The following WASF3 variants were observed in gnomAD, a reference collection of about 807,000 sequenced individuals.
WASF3 encodes WASP family member 3.
WASF3 carries 11 observed loss-of-function variants against 46.6 expected under a neutral mutation model. The observed-to-expected ratio is 0.24, with a 90% CI of 0.15 to 0.39. The LOEUF (loss-of-function observed/expected upper bound fraction) is 0.39, where lower values mean the gene tolerates loss of function less well. WASF3 is among the 10% of genes least tolerant of loss of function. The pLI is 1.00. For synonymous variants in WASF3, 242 were observed against 259.7 expected, an observed-to-expected ratio of 0.93 and a Z score of 0.65; for missense variants, 576 against 669.8, an observed-to-expected ratio of 0.86 and a Z score of 1.55.
upstream of WASF3, among the ~76,000 whole-genome samples, chr13:26,555,126 T>G (rs1169612342): frequency 6.6e-6 from 1 of 152,226 alleles, no homozygotes; most frequent in Non-Finnish European, 1.5e-5. Flanking sequence ...TATTTCATTT[T>G]TGTTTTAATT....
At chr13:26,546,920 C>T in the WASF3 span, among the ~76,000 whole-genome samples, 1 of 152,178 alleles carries the variant, frequency 6.6e-6, no homozygotes, top group Admixed American at 6.5e-5. Context: ...TTACCCTCTT[C>T]ATCAAGCTCA....
intron 1 of WASF3, among the ~76,000 whole-genome samples, chr13:26,605,665 G>A (rs1269071233): frequency 1.3e-5 from 2 of 152,150 alleles, no homozygotes; most frequent in Admixed American, 1.3e-4. Flanking sequence ...GTGGCTGCCC[G>A]GGGCCAGACC....
At chr13:26,664,793 T>C (rs1345098904) in intron 3 of WASF3, among the ~76,000 whole-genome samples, 2 of 152,250 alleles carry the variant, frequency 1.3e-5, no homozygotes, top group Non-Finnish European at 2.9e-5. Flanking sequence ...GCAATAAAGA[T>C]TCTATACTGT....
chr13:26,561,446 G>A (rs934490721), intron 1 of WASF3, among the ~76,000 whole-genome samples: 3 of 152,068 alleles, frequency 2.0e-5, no homozygotes, highest in Non-Finnish European at 4.4e-5. Flanking sequence ...ATCCATTTTG[G>A]GGAAAAGATT....
rs1880887162 is a variant in WASF3, at chr13:26,608,948, A to G, written c.-108-4013A>G. ...TCGATAGAAGTGAAAAGAAGAACAT[A>G]GAATTTCAGCCTGGTTTAGGAGGTA... On this transcript the variant is annotated intron_variant, in intron 1 of 9. Transcript: ENST00000335327. Among the ~76,000 whole-genome samples the G allele has an allele frequency of 2.0e-5, 3 of 152,250 alleles. 1 individual carries two copies. The highest frequency in any genetic ancestry group is 2.0e-4 in the Admixed American group (3 of 15,280).
chr13:26,671,836 C>A (rs773915033), intron 5 of WASF3, 36 bp from the exon 6 acceptor site: 62 of 1,439,874 alleles, frequency 4.3e-5, no homozygotes, highest in Non-Finnish European at 5.9e-5. Context: ...CTCTAACAAT[C>A]TTTTCTTCCC....
the WASF3 span, among the ~76,000 whole-genome samples, chr13:26,550,738 C>T: frequency 2.6e-5 from 4 of 152,150 alleles, no homozygotes; most frequent in South Asian, 4.2e-4. Flanking sequence ...GATCCAGGCA[C>T]CCTCCCCTTC....
At chr13:26,647,656 C>CA (rs1882189301) in intron 3 of WASF3, among the ~76,000 whole-genome samples, 1 of 151,138 alleles carries the variant, frequency 6.6e-6, no homozygotes, top group Admixed American at 6.6e-5. Flanking sequence ...GGTTTTGCTA[C>CA]TTTTTTTTTC....
At chr13:26,628,182 G>A (rs1881531974) in intron 2 of WASF3, among the ~76,000 whole-genome samples, 1 of 152,154 alleles carries the variant, frequency 6.6e-6, no homozygotes, top group Non-Finnish European at 1.5e-5. Flanking sequence ...CCAATCCTGA[G>A]AAATAGCTTG....
intron 2 of WASF3, chr13:26,640,482 ATC>A (rs1881964036): frequency 6.6e-6 from 1 of 151,448 alleles, no homozygotes; most frequent in Non-Finnish European, 1.5e-5. Context: ...GCTCACTGCA[ATC>A]TCTGCCTCCT....
chr13:26,542,978 A>G, the WASF3 span, among the ~76,000 whole-genome samples: 1 of 152,232 alleles, frequency 6.6e-6, no homozygotes, highest in Non-Finnish European at 1.5e-5. Flanking sequence ...TTCTGAACAC[A>G]GGCTAAAGAA....
chr13:26,675,485 C>T (rs1392641312), intron 6 of WASF3, among the ~76,000 whole-genome samples: 6 of 9,964 alleles, frequency 6.0e-4, no homozygotes, highest in African/African-American at 1.2e-3. Context: ...CACACATACA[C>T]ACACACACAC....
intron 1 of WASF3, chr13:26,609,565 T>A (rs1051443011): frequency 6.6e-6 from 1 of 152,048 alleles, no homozygotes; most frequent in Non-Finnish European, 1.5e-5. Context: ...TCCAGTGGTT[T>A]CATGATGTCA....
At chr13:26,551,562 G>T in the WASF3 span, among the ~76,000 whole-genome samples, 1,432 of 152,300 alleles carry the variant, frequency 9.4e-3, 8 homozygotes, top group African/African-American at 0.018. Flanking sequence ...TCTGGTGGGG[G>T]ACAATGAATT....
At chr13:26,621,396 A>C (rs1881301822) in intron 2 of WASF3, among the ~76,000 whole-genome samples, 1 of 152,232 alleles carries the variant, frequency 6.6e-6, no homozygotes, top group African/African-American at 2.4e-5. Context: ...TGAAAAGGAA[A>C]GTATGCCAGA....
chr13:26,606,400 G>A (rs939934704), intron 1 of WASF3: 6 of 149,296 alleles, frequency 4.0e-5, no homozygotes, highest in African/African-American at 1.5e-4. Flanking sequence ...CTGTTACCTA[G>A]GCTGGAATGC....
chr13:26,544,763 T>C, the WASF3 span, among the ~76,000 whole-genome samples: 4 of 152,146 alleles, frequency 2.6e-5, no homozygotes, highest in Non-Finnish European at 2.9e-5. Flanking sequence ...GGACTCCACG[T>C]CAAGTGATCT....
chr13:26,653,718 C>T (rs1471803323), intron 3 of WASF3, among the ~76,000 whole-genome samples: 1 of 152,180 alleles, frequency 6.6e-6, no homozygotes, highest in African/African-American at 2.4e-5. Flanking sequence ...ACTAAGTGAC[C>T]TCATCAGGTT....
intron 2 of WASF3, among the ~76,000 whole-genome samples, chr13:26,637,557 C>G (rs140735732): frequency 6.6e-6 from 1 of 152,314 alleles, no homozygotes; most frequent in African/African-American, 2.4e-5. Context: ...GTTGCCCTCA[C>G]ATTTAGCTGT....
Sources: gnomAD v4.1 joint callset for allele counts (sites outside exome capture counted in the v4.1 genomes callset) on GRCh38, gnomAD v4.1.1 for gene constraint, MANE v1.5 for transcripts, NCBI Gene and HGNC (gene_info 2026-07-23, HGNC 2026-07-21) for gene names.